Variants in HKDC1 observed in about 807,000 individuals in gnomAD.
The protein encoded by HKDC1 is hexokinase domain containing 1, also known as hexokinase HKDC1.
Under a neutral mutation model 96.6 loss-of-function variants are expected in HKDC1, and 66 were observed. The observed-to-expected ratio is 0.68, with a 90% CI of 0.56 to 0.84. The LOEUF (loss-of-function observed/expected upper bound fraction) is 0.84. Among genes scored for constraint, HKDC1 ranks in the 40% least tolerant of loss-of-function variants. The probability of loss-of-function intolerance (pLI) is 0.00; values close to 1 mark genes in which losing one functional copy is unlikely to be tolerated. For missense variants in HKDC1, 1,211 were observed against 1,208.1 expected (o/e 1.00, Z -0.04); for synonymous variants, 466 against 473.1 (o/e 0.98, Z 0.20).
Position 69,260,132 on chromosome 10 carries a change from C to A in HKDC1, c.2217-1007C>A, listed in dbSNP as rs1843783771. Among the ~76,000 whole-genome samples, 3 of 152,152 alleles carry A rather than the reference C, an allele frequency of 2.0e-5. No homozygotes were observed. The South Asian group carries it at 6.2e-4, about 32-fold the overall frequency. On this transcript the variant is annotated intron_variant, in intron 15 of 17. Transcript: ENST00000354624. ...ATAGATTTATTGTTATGGGTGCTATCCAAGTTGAGAGCTTGAGCAGATGGG... is the reference window on the plus strand; with the variant it reads ...ATAGATTTATTGTTATGGGTGCTATACAAGTTGAGAGCTTGAGCAGATGGG...
At position 69,239,108 on chromosome 10, in the gene HKDC1, C is replaced by CGTCT. The variant is rs1843411430; in HGVS notation, c.564_567dup (p.Thr190SerfsTer21). ...AGTTCAGGACACGGATGTGGTGAGC[C>CGTCT]GTCTGACCAAAGCCATGAGAAGACA... On this transcript the variant is annotated frameshift_variant, in exon 5 of 18. Coordinates refer to ENST00000354624, the MANE Select transcript of HKDC1 (RefSeq NM_025130.4). LOFTEE classifies it high-confidence loss of function. 6.2e-7 allele frequency: 1 copy of CGTCT among 1,613,746 alleles called. No individual in the cohort carries two copies. Among genetic ancestry groups the CGTCT allele is most frequent in the Non-Finnish European group, 8.5e-7 (1 of 1,179,810 alleles).
intron 10 of HKDC1, 165 bp downstream of exon 10, chr10:69,248,893 T>C: frequency 1.5e-6 from 1 of 665,142 alleles, no homozygotes; most frequent in Non-Finnish European, 2.4e-6. Context: ...TGGCCTTTGT[T>C]AACCCAAGGC....
At chr10:69,256,863 T>C (rs1356075050) in intron 12 of HKDC1, among the ~76,000 whole-genome samples, 173 bp from the exon 13 acceptor site, 1 of 152,218 alleles carries the variant, frequency 6.6e-6, no homozygotes, top group Non-Finnish European at 1.5e-5. Flanking sequence ...CTGAGTGTTG[T>C]GCTCTGTGAT....
chr10:69,234,649 G>T (rs1333138008), intron 4 of HKDC1, among the ~76,000 whole-genome samples: 1 of 152,244 alleles, frequency 6.6e-6, no homozygotes, highest in Non-Finnish European at 1.5e-5. Context: ...CAACACTGTG[G>T]TTGGGCCTTA....
chr10:69,223,578 A>ATTTTTTT (rs60016100), intron 1 of HKDC1, among the ~76,000 whole-genome samples: 12 of 85,602 alleles, frequency 1.4e-4, no homozygotes, highest in South Asian at 4.3e-4. Flanking sequence ...CCACAATCTA[A>ATTTTTTT]TTTTTTTTTT....
intron 14 of HKDC1, among the ~76,000 whole-genome samples, chr10:69,257,684 A>AT (rs1395648696): frequency 7.0e-6 from 1 of 143,688 alleles, no homozygotes; most frequent in Non-Finnish European, 1.5e-5. Flanking sequence ...GCCAATTGTC[A>AT]TGGGGGGGGG....
intron 7 of HKDC1, 146 bp downstream of exon 7, chr10:69,243,511 T>TG (rs1302378002): frequency 2.6e-6 from 2 of 763,790 alleles, no homozygotes; most frequent in Non-Finnish European, 2.0e-6. Context: ...TTTTTTTTTT[T>TG]TTTGAGATGG....
chr10:69,245,883 G>C lies in HKDC1; in HGVS notation c.876-196G>C, dbSNP rs372310393. On this transcript the variant is annotated intron_variant, in intron 7 of 17. Transcript: ENST00000354624. Reference sequence around the variant, plus strand: ...TGTGAAATTGAGAGTCCCTATGCTCGATGTGAGAATGGTACCCATGGCCAG... The same window carrying C: ...TGTGAAATTGAGAGTCCCTATGCTCCATGTGAGAATGGTACCCATGGCCAG... 2.6e-5 allele frequency among the ~76,000 whole-genome samples: 4 copies of C among 152,158 alleles called. No homozygotes were observed. In the South Asian group the frequency reaches 8.3e-4, roughly 32 times the overall value.
In HKDC1 at chr10:69,257,177, C is replaced by T. The variant is rs377207834; in HGVS notation, c.1932+46C>T. 999 of 1,553,544 alleles carry T rather than the reference C, an allele frequency of 6.4e-4. 3 individuals carry two copies. The highest frequency in any genetic ancestry group is 7.8e-4 in the Non-Finnish European group (874 of 1,125,636). ...TCATGCCTGCTCTTGCTGCCTTCCC[C>T]AGGCCCCTCTGCTCTGCCATCCTCT... is the stretch of plus-strand genomic sequence containing the variant. On this transcript the variant is annotated intron_variant, in intron 13 of 17. Coordinates refer to ENST00000354624, the MANE Select transcript of HKDC1 (RefSeq NM_025130.4).
rs751546379 is a variant in HKDC1, at chr10:69,258,910, C to T, written c.2167C>T (p.Arg723Ter). The T allele has an allele frequency of 6.2e-6, 10 of 1,604,700 alleles. No homozygotes were observed. Among genetic ancestry groups the T allele is most frequent in the South Asian group, 2.2e-5 (2 of 89,622 alleles). Residue 723 changes from arginine to a stop codon, truncating the protein, a stop_gained, in exon 15 of 18, where the codon CGA becomes TGA. Coordinates refer to ENST00000354624, the MANE Select transcript of HKDC1 (RefSeq NM_025130.4). LOFTEE classifies it high-confidence loss of function. Reference protein sequence around the residue: ...DNGCIDDIWTRYDTEVDEGSL... With the variant: ...DNGCIDDIWT ...TGGCTGCATAGATGACATCTGGACC[C>T]GATACGACACGGAGGTGGATGAGGG... is the stretch of plus-strand genomic sequence containing the variant.
chr10:69,255,470 CT>C (rs1843704610), intron 12 of HKDC1, among the ~76,000 whole-genome samples: 1 of 152,180 alleles, frequency 6.6e-6, no homozygotes, highest in South Asian at 2.1e-4. Context: ...GATTTTCTCA[CT>C]GCCTTTCCTG....
At chr10:69,256,739 G>T (rs912545953) in intron 12 of HKDC1, among the ~76,000 whole-genome samples, 2 of 151,896 alleles carry the variant, frequency 1.3e-5, no homozygotes, top group African/African-American at 2.4e-5. Context: ...AAAAGAAGAA[G>T]TAGGATCACT....
Position 69,243,197 on chromosome 10 carries a change from C to T in HKDC1, c.707C>T (p.Ala236Val), listed in dbSNP as rs149059487. ...VGVIIGTGTNACYMEDMSNID... is the reference protein window; with the variant it reads ...VGVIIGTGTNVCYMEDMSNID... ...CCTGGTTCAGGAACTGGCACCAATG[C>T]GTGTTACATGGAGGACATGAGCAAC... The change falls in exon 7 of 18, where the codon GCG (alanine) becomes GTG (valine). Residue 236 changes from alanine to valine, a missense_variant. Ala to Val is a moderately conservative substitution (Grantham distance 64). Coordinates refer to ENST00000354624, the MANE Select transcript of HKDC1 (RefSeq NM_025130.4). 63 of 1,614,030 alleles carry T rather than the reference C, an allele frequency of 3.9e-5. No individual in the cohort carries two copies. Among genetic ancestry groups the T allele is most frequent in the Middle Eastern group, 1.6e-4 (1 of 6,084 alleles).
intron 4 of HKDC1, 145 bp downstream of exon 4, chr10:69,233,278 G>A: frequency 8.7e-7 from 1 of 1,152,606 alleles, no homozygotes; most frequent in Non-Finnish European, 1.2e-6. Context: ...TGAGGTGGCA[G>A]CGTGAGGCAG....
intron 12 of HKDC1, among the ~76,000 whole-genome samples, chr10:69,253,530 C>A (rs1263826196): frequency 6.6e-6 from 1 of 152,164 alleles, no homozygotes; most frequent in African/African-American, 2.4e-5. Flanking sequence ...ATATGAATAA[C>A]CTTGAGCAGA....
chr10:69,227,976 G>T (rs1356010611), intron 2 of HKDC1, among the ~76,000 whole-genome samples: 1 of 152,224 alleles, frequency 6.6e-6, no homozygotes, highest in African/African-American at 2.4e-5. Context: ...TGTAGAATGA[G>T]AAATGGCCTA....
rs202161330 is a variant in HKDC1 at position 69,248,479 on chromosome 10, C to T, written c.1321C>T (p.Arg441Cys). The T allele has an allele frequency of 5.5e-5, 88 of 1,604,946 alleles. No homozygotes were observed. Among genetic ancestry groups the T allele is most frequent in the Non-Finnish European group, 6.7e-5 (79 of 1,173,436 alleles). The part of the protein sequence containing the change: ...VRKLVPSCDV[R>C]FLLSESGSTK... Reference sequence around the variant, plus strand: ...GAAACTGGTCCCAAGCTGTGATGTCCGCTTCCTCCTGTCAGAGAGTGGCAG... The same window carrying T: ...GAAACTGGTCCCAAGCTGTGATGTCTGCTTCCTCCTGTCAGAGAGTGGCAG... Residue 441 changes from arginine (R) to cysteine (C), a missense_variant, in exon 10 of 18, where the codon CGC (arginine) becomes TGC (cysteine). By Grantham distance (180) the Arg-to-Cys change is radical (BLOSUM62 -3). Coordinates refer to ENST00000354624, the MANE Select transcript of HKDC1 (RefSeq NM_025130.4).
chr10:69,248,600 G>C lies in HKDC1; in HGVS notation c.1442G>C (p.Arg481Pro). The stretch of plus-strand genomic sequence containing the variant: ...GTGCTGGCTTTGTTCCAGCTGACCC[G>C]AGAGCAGCTCGTGGACGTGCAGGCC... ...DRVLALFQLT[R>P]EQLVDVQAKM... Residue 481 changes from arginine to proline, a missense_variant, in exon 10 of 18, where the codon CGA (arginine) becomes CCA (proline). Transcript: ENST00000354624. 1 of 1,614,144 alleles carries C rather than the reference G, an allele frequency of 6.2e-7. No homozygotes were observed. The highest frequency in any genetic ancestry group is 2.2e-5 in the East Asian group (1 of 44,886).
At chr10:69,234,450 T>C (rs1843330196) in intron 4 of HKDC1, among the ~76,000 whole-genome samples, 1 of 152,264 alleles carries the variant, frequency 6.6e-6, no homozygotes, top group Admixed American at 6.5e-5. Flanking sequence ...AGATGAGGTC[T>C]CACTATATTG....
Sources: gnomAD v4.1 joint callset for allele counts (sites outside exome capture counted in the v4.1 genomes callset) on GRCh38, gnomAD v4.1.1 for gene constraint, MANE v1.5 for transcripts, NCBI Gene and HGNC (gene_info 2026-07-23, HGNC 2026-07-21) for gene names.